The following NELL1 variants were observed in gnomAD, a reference collection of about 807,000 sequenced individuals.
NELL1 encodes the protein neural EGFL like 1, also known as protein kinase C-binding protein NELL1.
NELL1 carries 76 observed loss-of-function variants against 107.4 expected under a neutral mutation model. The ratio of observed to expected loss-of-function variants is 0.71; its 90% CI spans 0.59 to 0.86. NELL1 has a LOEUF of 0.86. Among genes scored for constraint, NELL1 ranks in the 40% least tolerant of loss-of-function variants. NELL1 has a pLI of 0.00. For missense variants in NELL1, 1,024 were observed against 1,005.5 expected (o/e 1.02, Z -0.25); for synonymous variants, 353 against 341.2 (o/e 1.03, Z -0.38).
intron 5 of NELL1, among the ~76,000 whole-genome samples, chr11:20,914,076 T>C (rs1850193031): frequency 6.6e-6 from 1 of 152,136 alleles, no homozygotes; most frequent in East Asian, 1.9e-4. Flanking sequence ...TATATATTTT[T>C]ACCTACAGCA....
At chr11:21,211,642 T>G (rs936272653) in intron 13 of NELL1, among the ~76,000 whole-genome samples, 3 of 152,204 alleles carry the variant, frequency 2.0e-5, no homozygotes, top group African/African-American at 7.2e-5. Flanking sequence ...AAGTGAGAGA[T>G]GTTGATAACT....
At chr11:20,851,421 C>G (rs1848793413) in intron 4 of NELL1, among the ~76,000 whole-genome samples, 1 of 152,110 alleles carries the variant, frequency 6.6e-6, no homozygotes, top group South Asian at 2.1e-4. Flanking sequence ...AGGAACCATT[C>G]AGTTGGGTGG....
intron 13 of NELL1, among the ~76,000 whole-genome samples, chr11:21,221,479 G>C (rs1249454226): frequency 6.6e-6 from 1 of 152,130 alleles, no homozygotes; most frequent in Non-Finnish European, 1.5e-5. Context: ...CTAAAAGTTT[G>C]ATAGAATTCA....
At chr11:21,048,227 C>A (rs1301625422) in intron 12 of NELL1, among the ~76,000 whole-genome samples, 1 of 151,954 alleles carries the variant, frequency 6.6e-6, no homozygotes, top group Non-Finnish European at 1.5e-5. Context: ...AGATCTGGAG[C>A]TTTTTTTGAA....
At chr11:20,750,214 G>GT (rs1460358964) in intron 2 of NELL1, among the ~76,000 whole-genome samples, 2 of 152,072 alleles carry the variant, frequency 1.3e-5, no homozygotes, top group African/African-American at 4.8e-5. Flanking sequence ...TTTCACGTGT[G>GT]TTTTGTTTTT....
intron 13 of NELL1, among the ~76,000 whole-genome samples, chr11:21,223,338 C>CT (rs950194829): frequency 1.3e-5 from 2 of 151,628 alleles, no homozygotes; most frequent in Admixed American, 6.6e-5. Flanking sequence ...TTTCTTTTTT[C>CT]TTTTTTTTAC....
chr11:20,989,922 G>A (rs924912543), intron 12 of NELL1, among the ~76,000 whole-genome samples: 13 of 151,772 alleles, frequency 8.6e-5, no homozygotes, highest in African/African-American at 1.2e-4. Context: ...GCATGAACCC[G>A]GGAGGCAGAG....
chr11:21,247,209 A>G (rs1292449408), intron 14 of NELL1, among the ~76,000 whole-genome samples: 1 of 152,196 alleles, frequency 6.6e-6, no homozygotes, highest in Non-Finnish European at 1.5e-5. Context: ...TAGGCTGTAT[A>G]TACACTGTAC....
intron 2 of NELL1, among the ~76,000 whole-genome samples, chr11:20,758,084 C>G (rs1314749161): frequency 6.6e-6 from 1 of 152,170 alleles, no homozygotes; most frequent in Non-Finnish European, 1.5e-5. Context: ...ATCACGACGG[C>G]TTTGTCTAAC....
At chr11:20,975,252 A>G (rs2015001) in intron 12 of NELL1, among the ~76,000 whole-genome samples, 25,389 of 151,580 alleles carry the variant, frequency 0.17, 2,450 homozygotes, top group Middle Eastern at 0.28. Flanking sequence ...CTGACCTCAC[A>G]TGATCCACCC....
At chr11:21,485,915 A>G (rs953990189) in intron 15 of NELL1, among the ~76,000 whole-genome samples, 14 of 150,866 alleles carry the variant, frequency 9.3e-5, no homozygotes, top group African/African-American at 2.9e-4. Context: ...GGTTATGCCA[A>G]CCCAACTGCT....
At chr11:21,489,305 C>A (rs1349419729) in intron 15 of NELL1, among the ~76,000 whole-genome samples, 2 of 142,544 alleles carry the variant, frequency 1.4e-5, no homozygotes, top group African/African-American at 5.1e-5. Flanking sequence ...TAACAAAAGC[C>A]CAGGACCTGG....
At chr11:21,286,690 A>T (rs986704443) in intron 14 of NELL1, among the ~76,000 whole-genome samples, 4 of 152,214 alleles carry the variant, frequency 2.6e-5, no homozygotes, top group Non-Finnish European at 5.9e-5. Flanking sequence ...TCAGAATCCC[A>T]TTGCAATTCT....
chr11:20,895,566 C>T lies in NELL1; in HGVS notation c.603+10026C>T, dbSNP rs183290257. On this transcript the variant is annotated intron_variant, in intron 5 of 19. Transcript: ENST00000357134. ...TGTTGCCCAGGCTGGAGTGCAGTGG[C>T]GCGATCTTGGCTCACTGCAACCTCC... 5.7e-3 allele frequency among the ~76,000 whole-genome samples: 740 copies of T among 129,778 alleles called. 3 individuals are homozygous for T. The highest frequency in any genetic ancestry group is 0.019 in the African/African-American group (699 of 36,100). The allele number at this position is 129,778 out of a possible 152,430, so 85.1% of individuals were successfully genotyped here. A position where few individuals can be genotyped will look rare whatever the true frequency, so the allele number is the denominator to read the frequency against.
intron 14 of NELL1, among the ~76,000 whole-genome samples, chr11:21,333,259 C>G (rs1405962055): frequency 6.9e-6 from 1 of 144,846 alleles, no homozygotes; most frequent in East Asian, 1.9e-4. Context: ...ACAATGGATA[C>G]CATGGCCAGA....
At chr11:21,365,056 C>T (rs796426967) in intron 14 of NELL1, among the ~76,000 whole-genome samples, 15 of 152,290 alleles carry the variant, frequency 9.8e-5, no homozygotes, top group African/African-American at 3.4e-4. Context: ...CAAATGCTAG[C>T]TGTTTTGCGC....
At chr11:20,961,184 G>A (rs144730771) in intron 12 of NELL1, among the ~76,000 whole-genome samples, 165 of 152,202 alleles carry the variant, frequency 1.1e-3, no homozygotes, top group African/African-American at 3.3e-3. Context: ...CAACTCCTCC[G>A]TCTTAAGAGA....
intron 14 of NELL1, among the ~76,000 whole-genome samples, chr11:21,245,384 G>A (rs1286833559): frequency 6.6e-6 from 1 of 152,180 alleles, no homozygotes; most frequent in Non-Finnish European, 1.5e-5. Context: ...AATGAGATGA[G>A]AAATAAATAA....
chr11:21,470,124 G>A (rs1283794693), intron 15 of NELL1, among the ~76,000 whole-genome samples: 1 of 151,924 alleles, frequency 6.6e-6, no homozygotes, highest in African/African-American at 2.4e-5. Context: ...ACTACCTTAC[G>A]AGGTGTAGGT....
Sources: gnomAD v4.1 joint callset for allele counts (sites outside exome capture counted in the v4.1 genomes callset) on GRCh38, gnomAD v4.1.1 for gene constraint, MANE v1.5 for transcripts, NCBI Gene and HGNC (gene_info 2026-07-23, HGNC 2026-07-21) for gene names.